SLC4A1AP: variants seen among roughly 807,000 people sequenced by gnomAD.
SLC4A1AP encodes the protein kanadaptin.
Under a neutral mutation model 89.7 loss-of-function variants are expected in SLC4A1AP, and 64 were observed. The observed-to-expected ratio is 0.71, with a 90% confidence interval of 0.58 to 0.88. The LOEUF (loss-of-function observed/expected upper bound fraction) is 0.88, where lower values mean the gene tolerates loss of function less well. Ranked by LOEUF, SLC4A1AP falls within the 40% of genes least tolerant of loss-of-function variation. The probability of loss-of-function intolerance (pLI) is 0.00; values close to 1 mark genes in which losing one functional copy is unlikely to be tolerated. For synonymous variants in SLC4A1AP, 366 were observed against 353.3 expected, an observed-to-expected ratio of 1.04 and a Z score of -0.40; for missense variants, 931 against 965.0, an observed-to-expected ratio of 0.96 and a Z score of 0.47.
chr2:27,667,632 A>ATG (rs1399938314), intron 3 of SLC4A1AP, among the ~76,000 whole-genome samples: 1 of 152,106 alleles, frequency 6.6e-6, no homozygotes, highest in Non-Finnish European at 1.5e-5. Context: ...TAAAAAAAGG[A>ATG]AGTACTTTTT....
chr2:27,667,756 A>G (rs1450734209), intron 3 of SLC4A1AP, among the ~76,000 whole-genome samples: 2 of 151,914 alleles, frequency 1.3e-5, no homozygotes, highest in African/African-American at 4.8e-5. Context: ...AATTCCTAAC[A>G]TAGGTTTTGA....
chr2:27,669,225 T>C, intron 4 of SLC4A1AP, 23 bp from the exon 5 acceptor site: 3 of 1,592,794 alleles, frequency 1.9e-6, no homozygotes, highest in Non-Finnish European at 2.6e-6. Flanking sequence ...TGCTGTGCTA[T>C]AATTCCCACC....
intron 12 of SLC4A1AP, among the ~76,000 whole-genome samples, chr2:27,691,057 A>G (rs1241083573): frequency 1.3e-5 from 2 of 152,060 alleles, no homozygotes; most frequent in Non-Finnish European, 2.9e-5. Flanking sequence ...GCTTCATAGA[A>G]TGAGTTAGGG....
intron 5 of SLC4A1AP, among the ~76,000 whole-genome samples, chr2:27,670,192 T>G (rs991573412): frequency 1.3e-5 from 2 of 151,944 alleles, no homozygotes; most frequent in African/African-American, 4.8e-5. Context: ...GAGACGAGGT[T>G]TCACCGTGTT....
intron 5 of SLC4A1AP, among the ~76,000 whole-genome samples, chr2:27,674,643 A>T (rs1675484149): frequency 6.7e-6 from 1 of 150,344 alleles, no homozygotes; most frequent in Non-Finnish European, 1.5e-5. Context: ...TGCTTTCATT[A>T]TCCTTTTTCA....
intron 8 of SLC4A1AP, 121 bp downstream of exon 8, chr2:27,678,045 T>A: frequency 4.7e-6 from 3 of 644,036 alleles, no homozygotes; most frequent in South Asian, 3.3e-5. Flanking sequence ...AGGAACCCTT[T>A]AAAGCACAGA....
chr2:27,678,379 A>G (rs1675558595), intron 8 of SLC4A1AP, among the ~76,000 whole-genome samples: 1 of 152,058 alleles, frequency 6.6e-6, no homozygotes. Flanking sequence ...CAAAAAATAA[A>G]AACATCAGCC....
At chr2:27,686,788 A>G (rs564697212) in intron 10 of SLC4A1AP, among the ~76,000 whole-genome samples, 1 of 152,216 alleles carries the variant, frequency 6.6e-6, no homozygotes, top group African/African-American at 2.4e-5. Context: ...AAAACAAAAC[A>G]AAATTAAATA....
chr2:27,663,912 A>G (rs770457639), exon 1 of SLC4A1AP: 3 of 1,614,174 alleles, frequency 1.9e-6, no homozygotes, highest in Non-Finnish European at 1.7e-6. Flanking sequence ...GCACCGGTTG[A>G]GGATGGCTGA....
intron 13 of SLC4A1AP, 118 bp downstream of exon 13, chr2:27,693,872 T>A (rs866219922): frequency 6.1e-6 from 4 of 656,940 alleles, no homozygotes; most frequent in African/African-American, 5.7e-5. Flanking sequence ...ATAATTTGTA[T>A]ACCATGTTTG....
intron 3 of SLC4A1AP, among the ~76,000 whole-genome samples, chr2:27,667,871 A>G (rs981414613): frequency 2.0e-5 from 3 of 151,236 alleles, no homozygotes; most frequent in African/African-American, 7.3e-5. Context: ...TATATATTTT[A>G]TATGTATATA....
intron 2 of SLC4A1AP, among the ~76,000 whole-genome samples, chr2:27,666,198 A>G (rs1229787494): frequency 6.6e-6 from 1 of 152,208 alleles, no homozygotes; most frequent in Non-Finnish European, 1.5e-5. Context: ...AATGTGGCTA[A>G]TAGAAAATTT....
At chr2:27,689,650 T>TC (rs1244389166) in intron 12 of SLC4A1AP, among the ~76,000 whole-genome samples, 1 of 152,176 alleles carries the variant, frequency 6.6e-6, no homozygotes, top group Non-Finnish European at 1.5e-5. Flanking sequence ...ACATAGGCAT[T>TC]CCCTGCCTGG....
At position 27,684,231 on chromosome 2, in the gene SLC4A1AP, G is replaced by A. The variant is rs561895662; in HGVS notation, c.1876-806G>A. ...TGCTTGAGCTCACTAGTCGAGACCA[G>A]CCTGGGCAACATGGTGAAACCCCGT... On this transcript the variant is annotated intron_variant, in intron 9 of 13. Coordinates refer to ENST00000613058, the Ensembl canonical transcript of SLC4A1AP. Among the ~76,000 whole-genome samples the A allele has an allele frequency of 4.6e-5, 7 of 152,104 alleles. No individual in the cohort carries two copies. In the East Asian group the frequency reaches 1.4e-3, roughly 29 times the overall value.
chr2:27,677,142 C>CA (rs1159662655), intron 6 of SLC4A1AP, among the ~76,000 whole-genome samples, 153 bp from the exon 7 acceptor site: 16 of 144,630 alleles, frequency 1.1e-4, no homozygotes, highest in Non-Finnish European at 1.1e-4. Context: ...TATCTCAAAA[C>CA]AAAAAAAAAA....
chr2:27,669,447 C>T, intron 5 of SLC4A1AP, 60 bp downstream of exon 5: 1 of 1,402,816 alleles, frequency 7.1e-7, no homozygotes, highest in African/African-American at 1.5e-5. Context: ...AACACAAACG[C>T]TAATAAAACT....
chr2:27,677,327 T>C (rs200722454), exon 7 of SLC4A1AP: 113 of 1,613,314 alleles, frequency 7.0e-5, no homozygotes, highest in Non-Finnish European at 8.5e-5. Context: ...AAAGGGAACT[T>C]TCTGAAATTT....
At chr2:27,665,221 A>C (rs1169909309) in exon 2 of SLC4A1AP, 3 of 1,613,914 alleles carry the variant, frequency 1.9e-6, no homozygotes, top group East Asian at 2.2e-5. Context: ...GATGAAGAAG[A>C]GGAAATGGAT....
intron 4 of SLC4A1AP, 24 bp downstream of exon 4, chr2:27,668,927 T>A: frequency 6.2e-7 from 1 of 1,609,496 alleles, no homozygotes; most frequent in East Asian, 2.2e-5. Context: ...TTATTAATGT[T>A]CTTTTCTGGA....
Sources: allele counts gnomAD v4.1 joint callset (sites outside exome capture counted in the v4.1 genomes callset), GRCh38; gene constraint gnomAD v4.1.1; transcripts MANE v1.5; gene names NCBI Gene and HGNC (gene_info 2026-07-23, HGNC 2026-07-21).